The following CACNA2D2 variants were observed in gnomAD, a reference collection of about 807,000 sequenced individuals.
CACNA2D2 encodes the protein calcium voltage-gated channel auxiliary subunit alpha2delta 2, also known as voltage-dependent calcium channel subunit alpha-2/delta-2.
Under a neutral mutation model 166.4 loss-of-function variants are expected in CACNA2D2, and 48 were observed. The observed-to-expected ratio is 0.29, with a 90% CI of 0.23 to 0.37. The LOEUF (loss-of-function observed/expected upper bound fraction) is 0.37, where lower values mean the gene tolerates loss of function less well. Ranked by LOEUF, CACNA2D2 falls within the 10% of genes least tolerant of loss-of-function variation. The pLI is 1.00. For synonymous variants in CACNA2D2, 561 were observed against 573.7 expected (o/e 0.98, Z 0.32); for missense variants, 1,122 against 1,433.0 (o/e 0.78, Z 3.50).
At chr3:50,377,833 C>A in intron 15 of CACNA2D2, 30 bp from the exon 16 acceptor site, 1 of 1,594,924 alleles carries the variant, frequency 6.3e-7, no homozygotes, top group African/African-American at 1.3e-5. Flanking sequence ...ATGGAGTCAC[C>A]TGTGGCCAGC....
Position 50,399,655 on chromosome 3 carries a change from C to T in CACNA2D2, c.406-5487G>A, listed in dbSNP as rs562957177. 3.7e-4 allele frequency among the ~76,000 whole-genome samples: 56 copies of T among 152,262 alleles called. 1 individual carries two copies. The highest frequency in any genetic ancestry group is 2.5e-3 in the Admixed American group (39 of 15,298). The stretch of plus-strand genomic sequence containing the variant: ...TCTCCTGCTCCCCTCCTTTCACAGC[C>T]GAGGGGATTGAGGCTCAAAGCATTA... On this transcript the variant is annotated intron_variant, in intron 3 of 37. Transcript: ENST00000424201.
chr3:50,468,138 A>T (rs1026144512), intron 2 of CACNA2D2, among the ~76,000 whole-genome samples: 1 of 152,176 alleles, frequency 6.6e-6, no homozygotes, highest in Non-Finnish European at 1.5e-5. Context: ...GCATAAACCC[A>T]TTCAGCCCTC....
Position 50,365,974 on chromosome 3 carries a change from C to G in CACNA2D2, c.2862+37G>C. The G allele has an allele frequency of 6.2e-7, 1 of 1,610,242 alleles. No individual in the cohort carries two copies. Among genetic ancestry groups the G allele is most frequent in the Non-Finnish European group, 8.5e-7 (1 of 1,178,126 alleles). On this transcript the variant is annotated intron_variant, in intron 32 of 37. Transcript: ENST00000424201. This position sits in a 1 kb window ranked among gnomAD's most constrained non-coding sequence, Gnocchi z 4.5. ...TCATCTGTGGGCAGGTCTCCCAGTC[C>G]CCCCCATCTCCAGTCCAGGCATCTC...
Position 50,381,013 on chromosome 3 carries a change from C to T in CACNA2D2, c.766G>A (p.Val256Ile), listed in dbSNP as rs1705279477. The T allele has an allele frequency of 1.2e-6, 2 of 1,613,858 alleles. No individual in the cohort carries two copies. The highest frequency in any genetic ancestry group is 2.2e-5 in the East Asian group (1 of 44,858). The stretch of plus-strand genomic sequence containing the variant: ...TACCTACCCGGGTAGTAGCGAGTGA[C>T]TCCTGTGGCGCTGCCGAAGACCTGC... ...LWQVFGSATG[V>I]TRYYPATPWR... The change falls in exon 7 of 38, where the codon GTC becomes ATC. Residue 256 changes from valine to isoleucine, a missense_variant. Around this residue, in one of 2 missense-constraint regions of CACNA2D2, gnomAD observed 840 missense variants for 1,166.8 expected, o/e 0.72. Transcript: ENST00000424201.
rs587719035 is a variant in CACNA2D2 at position 50,381,489 on chromosome 3, A to G, written c.653-363T>C. On this transcript the variant is annotated intron_variant, in intron 6 of 37. Coordinates refer to ENST00000424201, the MANE Select transcript of CACNA2D2 (RefSeq NM_006030.4). ...TGCCTGGAGCTAGCACTGGTCCCCC[A>G]GGAGCTCACCCATTCAGCATGCACT... is the stretch of plus-strand genomic sequence containing the variant. Among the ~76,000 whole-genome samples the G allele has an allele frequency of 3.3e-5, 5 of 152,226 alleles. No individual in the cohort carries two copies. In the South Asian group the frequency reaches 1.0e-3, roughly 32 times the overall value.
At chr3:50,499,276 A>G (rs1698855732) in intron 1 of CACNA2D2, among the ~76,000 whole-genome samples, 1 of 152,144 alleles carries the variant, frequency 6.6e-6, no homozygotes, top group Non-Finnish European at 1.5e-5. Flanking sequence ...GGGCAGCATG[A>G]GCAAAGTAGA....
chr3:50,367,926 G>T lies in CACNA2D2; in HGVS notation c.2144-24C>A. ...GCCTGGAACAGGAGGGGAGGGGTGG[G>T]GGTGGGGGCATCTTCTTGCAGCTCC... On this transcript the variant is annotated intron_variant, in intron 24 of 37. Coordinates refer to ENST00000424201, the MANE Select transcript of CACNA2D2 (RefSeq NM_006030.4). The surrounding 1 kb of genome is among the most constrained non-coding windows in gnomAD (Gnocchi z 6.5). 3.5e-6 allele frequency: 5 copies of T among 1,436,942 alleles called. No individual in the cohort carries two copies. The South Asian group carries it at 3.5e-5, about 10-fold the overall frequency. 89.0% of individuals were successfully genotyped at this position (1,436,942 alleles called of 1,614,324 possible). A position where few individuals can be genotyped will look rare whatever the true frequency, so the allele number is the denominator to read the frequency against.
intron 2 of CACNA2D2, among the ~76,000 whole-genome samples, chr3:50,473,177 G>T (rs555268188): frequency 6.6e-6 from 1 of 152,300 alleles, no homozygotes; most frequent in East Asian, 1.9e-4. Context: ...CACAGGGAGT[G>T]CCCACATGCC....
intron 2 of CACNA2D2, among the ~76,000 whole-genome samples, chr3:50,443,752 C>T (rs573907991): frequency 2.0e-5 from 3 of 152,366 alleles, no homozygotes; most frequent in Admixed American, 2.0e-4. Context: ...CCCTCGTGCC[C>T]CCATCTTCGG....
chr3:50,491,210 T>C (rs1002928509), intron 1 of CACNA2D2, among the ~76,000 whole-genome samples: 1 of 152,172 alleles, frequency 6.6e-6, no homozygotes, highest in African/African-American at 2.4e-5. Context: ...AGAACAGAGA[T>C]GACAGTTATG....
At chr3:50,441,439 T>C (rs1185185077) in intron 2 of CACNA2D2, among the ~76,000 whole-genome samples, 8 of 152,246 alleles carry the variant, frequency 5.3e-5, no homozygotes, top group African/African-American at 1.9e-4. Flanking sequence ...AAAATCCATG[T>C]CATAAAAAGG....
chr3:50,365,794 C>T lies in CACNA2D2; in HGVS notation c.2915+16G>A, dbSNP rs1289500504. The stretch of plus-strand genomic sequence containing the variant: ...CAGGGAGCACCTTCTCTACCCACCT[C>T]CCGCTCAGGACTCACCAGGCGGCAG... On this transcript the variant is annotated intron_variant, in intron 33 of 37. Transcript: ENST00000424201. The surrounding 1 kb of genome is among the most constrained non-coding windows in gnomAD (Gnocchi z 4.5). 3.1e-6 allele frequency: 5 copies of T among 1,613,476 alleles called. No homozygotes were observed. The highest frequency in any genetic ancestry group is 3.4e-6 in the Non-Finnish European group (4 of 1,179,980).
chr3:50,395,857 G>C (rs1706123981), intron 3 of CACNA2D2, among the ~76,000 whole-genome samples: 1 of 152,172 alleles, frequency 6.6e-6, no homozygotes, highest in Non-Finnish European at 1.5e-5. Context: ...ACTGAGTGGT[G>C]GGGGAGGCTA....
chr3:50,377,866 A>G, intron 15 of CACNA2D2, 63 bp from the exon 16 acceptor site: 1 of 1,524,572 alleles, frequency 6.6e-7, no homozygotes, highest in Non-Finnish European at 9.0e-7. Context: ...CTGAGTGTTC[A>G]GAGCAGGGAC....
chr3:50,503,236 C>T lies in CACNA2D2; in HGVS notation c.188G>A (p.Ser63Asn), dbSNP rs71615489. 2.5e-6 allele frequency: 3 copies of T among 1,195,626 alleles called. No individual in the cohort carries two copies. The highest frequency in any genetic ancestry group is 3.1e-6 in the Non-Finnish European group (3 of 964,100). The allele number at this position is 1,195,626 out of a possible 1,614,324, so 74.1% of individuals were successfully genotyped here. ...LLAAPGASAY[S>N]FPQQHTMQHW... ...CACTTACGTGTGCTGCTGGGGGAAG[C>T]TGTAGGCAGAGGCGCCGGGGGCGGC... The change falls in exon 1 of 38, where the codon AGC becomes AAC. Residue 63 changes from serine to asparagine, a missense_variant. Ser to Asn is a conservative substitution (Grantham distance 46). Coordinates refer to ENST00000424201, the MANE Select transcript of CACNA2D2 (RefSeq NM_006030.4).
intron 2 of CACNA2D2, among the ~76,000 whole-genome samples, chr3:50,448,885 G>C (rs1325633569): frequency 6.6e-6 from 1 of 152,146 alleles, no homozygotes; most frequent in Admixed American, 6.5e-5. Flanking sequence ...GATGGCGCAG[G>C]CTGCAACAGA....
chr3:50,472,942 G>A (rs1331704612), intron 2 of CACNA2D2, among the ~76,000 whole-genome samples: 1 of 152,230 alleles, frequency 6.6e-6, no homozygotes, highest in African/African-American at 2.4e-5. Context: ...TCAGGCCCTA[G>A]GGGCTCTGCA....
intron 2 of CACNA2D2, 45 bp from the exon 3 acceptor site, chr3:50,434,474 T>C: frequency 7.2e-7 from 1 of 1,381,596 alleles, no homozygotes; most frequent in Non-Finnish European, 1.0e-6. Flanking sequence ...TGGTCCCACG[T>C]CCTCATGCCA....
intron 3 of CACNA2D2, among the ~76,000 whole-genome samples, chr3:50,408,321 C>T (rs1364561154): frequency 6.6e-6 from 1 of 152,250 alleles, no homozygotes; most frequent in African/African-American, 2.4e-5. Flanking sequence ...AGGAGCCAGA[C>T]TCTTCCAGCT....
Sources: allele counts gnomAD v4.1 joint callset (sites outside exome capture counted in the v4.1 genomes callset), GRCh38; gene constraint gnomAD v4.1.1; regional missense constraint gnomAD v4.1.1; non-coding constraint Gnocchi (gnomAD v3.1); transcripts MANE v1.5; gene names NCBI Gene and HGNC (gene_info 2026-07-23, HGNC 2026-07-21).